The following NDUFS6 variants were observed in gnomAD, a reference collection of about 807,000 sequenced individuals.
The protein encoded by NDUFS6 is NADH:ubiquinone oxidoreductase subunit S6.
Under a neutral mutation model 13.2 loss-of-function variants are expected in NDUFS6, and 14 were observed. That is an observed-to-expected ratio of 1.06 (90% CI 0.70 to 1.66). NDUFS6 has a LOEUF of 1.66. NDUFS6 is among the 40% of genes most tolerant of loss of function. NDUFS6 has a pLI of 0.00. For synonymous variants in NDUFS6, 95 were observed against 72.3 expected, an observed-to-expected ratio of 1.31 and a Z score of -1.60; for missense variants, 206 against 170.8, an observed-to-expected ratio of 1.21 and a Z score of -1.15.
intron 2 of NDUFS6, among the ~76,000 whole-genome samples, chr5:1,807,602 C>T (rs532842772): frequency 6.6e-6 from 1 of 152,320 alleles, no homozygotes; most frequent in African/African-American, 2.4e-5. Flanking sequence ...GCAAGTGAGG[C>T]TGAGGCTGGG....
chr5:1,814,480 G>C lies in NDUFS6; in HGVS notation c.309+19G>C. ...AAACTTGGTGCGTAGCTGGCCACCT[G>C]TGCACATGTTAGGGCAGCCTGCTCG... On this transcript the variant is annotated intron_variant, in intron 3 of 3. Coordinates refer to ENST00000274137, the MANE Select transcript of NDUFS6 (RefSeq NM_004553.6). The surrounding 1 kb of genome is among the most constrained non-coding windows in gnomAD (Gnocchi z 4.9). The C allele has an allele frequency of 1.2e-6, 2 of 1,614,166 alleles. No homozygotes were observed. Among genetic ancestry groups the C allele is most frequent in the Non-Finnish European group, 1.7e-6 (2 of 1,180,034 alleles).
chr5:1,807,912 A>C (rs556308857), intron 2 of NDUFS6, among the ~76,000 whole-genome samples: 9 of 152,234 alleles, frequency 5.9e-5, no homozygotes, highest in Admixed American at 3.3e-4. Context: ...GGCAGGAGGA[A>C]GAGGTGGCGT....
chr5:1,809,495 C>A (rs992081595), intron 2 of NDUFS6, among the ~76,000 whole-genome samples: 1 of 152,142 alleles, frequency 6.6e-6, no homozygotes, highest in African/African-American at 2.4e-5. Flanking sequence ...TGTATTCCTG[C>A]GGTTGCACTG....
chr5:1,803,979 C>A (rs745674436), intron 2 of NDUFS6, among the ~76,000 whole-genome samples: 2 of 151,968 alleles, frequency 1.3e-5, no homozygotes, highest in East Asian at 3.9e-4. Flanking sequence ...TAGTGGTGAC[C>A]GTGGAGAAGG....
At chr5:1,812,598 G>A (rs181832397) in intron 2 of NDUFS6, among the ~76,000 whole-genome samples, 5 of 141,970 alleles carry the variant, frequency 3.5e-5, no homozygotes, top group Admixed American at 1.5e-4. Context: ...AGTGTCTGAA[G>A]TTCATTCTAT....
At chr5:1,803,419 G>C (rs1261349512) in intron 2 of NDUFS6, among the ~76,000 whole-genome samples, 1 of 152,144 alleles carries the variant, frequency 6.6e-6, no homozygotes, top group African/African-American at 2.4e-5. Flanking sequence ...ATTGATTAGT[G>C]ATGTCTACCA....
At chr5:1,801,865 A>G (rs1734049903) in intron 1 of NDUFS6, among the ~76,000 whole-genome samples, 1 of 152,254 alleles carries the variant, frequency 6.6e-6, no homozygotes, top group Non-Finnish European at 1.5e-5. Flanking sequence ...AACGTTTAGA[A>G]TTTGTGTAAT....
rs967416886 is a variant in NDUFS6, at chr5:1,802,467, A to G, written c.186+93A>G. The G allele has an allele frequency of 4.7e-6, 5 of 1,069,308 alleles. No homozygotes were observed. The African/African-American group carries it at 8.0e-5, about 17-fold the overall frequency. The allele number at this position is 1,069,308 out of a possible 1,614,324, so 66.2% of individuals were successfully genotyped here. ...AAATTAATATATAAGATTTAAATAA[A>G]TTTTCCCCATATTGCAAGCACCCTA... On this transcript the variant is annotated intron_variant, in intron 2 of 3. Coordinates refer to ENST00000274137, the MANE Select transcript of NDUFS6 (RefSeq NM_004553.6).
At chr5:1,804,057 C>T (rs1008042053) in intron 2 of NDUFS6, among the ~76,000 whole-genome samples, 1 of 152,116 alleles carries the variant, frequency 6.6e-6, no homozygotes, top group Non-Finnish European at 1.5e-5. Flanking sequence ...ACCGTGGTGA[C>T]GGAGGTTTCC....
chr5:1,806,370 G>A lies in NDUFS6; in HGVS notation c.186+3996G>A, dbSNP rs115751411. Among the ~76,000 whole-genome samples, 458 of 152,250 alleles carry A rather than the reference G, an allele frequency of 3.0e-3. 5 individuals carry two copies. The highest frequency in any genetic ancestry group is 0.011 in the African/African-American group (442 of 41,552). ...CCCACAGCTGGGCGTTTGGGTCAGC[G>A]AGATTCTGCACGTTTTCTGAGACAC... On this transcript the variant is annotated intron_variant, in intron 2 of 3. Transcript: ENST00000274137.
At chr5:1,802,087 C>G in intron 1 of NDUFS6, 2 of 533,978 alleles carry the variant, frequency 3.7e-6, no homozygotes, top group Non-Finnish European at 6.6e-6. Context: ...CTTAGCTCCA[C>G]CTTCCCGGGC....
intron 1 of NDUFS6, 124 bp downstream of exon 1, chr5:1,801,673 G>T: frequency 7.1e-7 from 1 of 1,401,266 alleles, no homozygotes; most frequent in African/African-American, 1.5e-5. Context: ...TGGTAAGGTT[G>T]TGCTGTCGCT....
intron 2 of NDUFS6, among the ~76,000 whole-genome samples, chr5:1,812,913 C>T (rs887782333): frequency 3.3e-5 from 5 of 152,074 alleles, no homozygotes; most frequent in African/African-American, 1.2e-4. Flanking sequence ...ATTAGTCGGA[C>T]GTGGTGGCGG....
intron 2 of NDUFS6, among the ~76,000 whole-genome samples, chr5:1,805,166 A>G (rs1425439225): frequency 6.6e-6 from 1 of 152,170 alleles, no homozygotes; most frequent in Non-Finnish European, 1.5e-5. Flanking sequence ...CCCTGTGTCT[A>G]CAAAAAATAT....
chr5:1,808,054 T>C (rs1479730757), intron 2 of NDUFS6, among the ~76,000 whole-genome samples: 1 of 152,150 alleles, frequency 6.6e-6, no homozygotes, highest in East Asian at 1.9e-4. Flanking sequence ...AGGTCCTCCG[T>C]GAGAGGAAGA....
rs1734284662 is a variant in NDUFS6, at chr5:1,814,969, G to A, written c.309+508G>A. On this transcript the variant is annotated intron_variant, in intron 3 of 3. Coordinates refer to ENST00000274137, the MANE Select transcript of NDUFS6 (RefSeq NM_004553.6). The surrounding 1 kb of genome is among the most constrained non-coding windows in gnomAD (Gnocchi z 4.9). ...ATCCCCTCTTCTTATAAGGGCACCA[G>A]GCAGATTGGCTCAGGGCCCCTATGT... 6.6e-6 allele frequency among the ~76,000 whole-genome samples: 1 copy of A among 152,146 alleles called. No homozygotes were observed. Among genetic ancestry groups the A allele is most frequent in the South Asian group, 2.1e-4 (1 of 4,824 alleles).
rs777834380 is a variant in NDUFS6, at chr5:1,815,775, T to C, written c.310-76T>C. The C allele has an allele frequency of 2.7e-4, 392 of 1,435,378 alleles. 1 individual carries two copies. The highest frequency in any genetic ancestry group is 1.2e-3 in the Middle Eastern group (7 of 5,722). 88.9% of individuals were successfully genotyped at this position (1,435,378 alleles called of 1,614,324 possible). A position where few individuals can be genotyped will look rare whatever the true frequency, so the allele number is the denominator to read the frequency against. On this transcript the variant is annotated intron_variant, in intron 3 of 3. Transcript: ENST00000274137. ...TTTCTGACAGTCTAAGTTTTATACATACATTTTCAATGCTTAATATCTAGA... is the reference window on the plus strand; with the variant it reads ...TTTCTGACAGTCTAAGTTTTATACACACATTTTCAATGCTTAATATCTAGA...
Position 1,816,013 on chromosome 5 carries a change from C to G in NDUFS6, c.*97C>G. The G allele has an allele frequency of 2.3e-6, 3 of 1,314,438 alleles. No homozygotes were observed. Among genetic ancestry groups the G allele is most frequent in the Non-Finnish European group, 3.3e-6 (3 of 906,726 alleles). The allele number at this position is 1,314,438 out of a possible 1,614,324, so 81.4% of individuals were successfully genotyped here. A position where few individuals can be genotyped will look rare whatever the true frequency, so the allele number is the denominator to read the frequency against. On this transcript the variant is annotated 3_prime_UTR_variant, in exon 4 of 4. Coordinates refer to ENST00000274137, the MANE Select transcript of NDUFS6 (RefSeq NM_004553.6). ...CGCTGGTTCTGTGCGAAGGGTATTC[C>G]TGGTGCTGAATAAAGGGTGTTGCTG...
intron 2 of NDUFS6, among the ~76,000 whole-genome samples, chr5:1,807,451 T>TA (rs968865451): frequency 3.3e-5 from 5 of 151,744 alleles, no homozygotes; most frequent in African/African-American, 1.2e-4. Flanking sequence ...TTACCACAAT[T>TA]AAAAAAAAAT....
Sources: allele counts gnomAD v4.1 joint callset (sites outside exome capture counted in the v4.1 genomes callset), GRCh38; gene constraint gnomAD v4.1.1; non-coding constraint Gnocchi (gnomAD v3.1); transcripts MANE v1.5; gene names NCBI Gene and HGNC (gene_info 2026-07-23, HGNC 2026-07-21).